Variants in ZNF829 observed in about 807,000 individuals in gnomAD.
ZNF829 encodes zinc finger protein 829.
In ZNF829, 25 loss-of-function variants were observed where a neutral mutation model predicts 35.2. The observed-to-expected ratio is 0.71, with a 90% CI of 0.52 to 0.99. The LOEUF (loss-of-function observed/expected upper bound fraction) is 0.99. ZNF829 is among the 50% of genes least tolerant of loss of function. The probability of loss-of-function intolerance (pLI) is 0.00; values close to 1 mark genes in which losing one functional copy is unlikely to be tolerated. For missense variants in ZNF829, 417 were observed against 515.3 expected, an observed-to-expected ratio of 0.81 and a Z score of 1.85; for synonymous variants, 136 against 163.2, an observed-to-expected ratio of 0.83 and a Z score of 1.27.
chr19:36,900,357 T>TA lies in ZNF829; in HGVS notation c.319+7571dup, dbSNP rs112232974. Among the ~76,000 whole-genome samples, 590 of 132,360 alleles carry TA rather than the reference T, an allele frequency of 4.5e-3. 1 individual carries two copies. Among genetic ancestry groups the TA allele is most frequent in the African/African-American group, 0.011 (380 of 36,048 alleles). 86.8% of individuals were successfully genotyped at this position (132,360 alleles called of 152,430 possible). A position where few individuals can be genotyped will look rare whatever the true frequency, so the allele number is the denominator to read the frequency against. ...TGGGTGACAGAGTGAGACTCTGTCT[T>TA]AAAAAAAAAAAAAAAAATTCCCCTA... On this transcript the variant is annotated intron_variant, in intron 5 of 5. Transcript: ENST00000391711.
chr19:36,909,643 C>T (rs985722970), intron 3 of ZNF829, among the ~76,000 whole-genome samples: 5 of 151,912 alleles, frequency 3.3e-5, no homozygotes, highest in African/African-American at 1.2e-4. Flanking sequence ...CCCGTGTCTA[C>T]TTAAAATACA....
rs774748866 is a variant in ZNF829, at chr19:36,908,431, A to C, written c.125T>G (p.Ile42Arg). The change falls in exon 4 of 6, where the codon ATA (isoleucine) becomes AGA (arginine). Residue 42 changes from isoleucine to arginine, a missense_variant. Coordinates refer to ENST00000391711, the MANE Select transcript of ZNF829 (RefSeq NM_001037232.4). ...KGPVMFRDVS[I>R]DFSQEEWECL... ...TTCCCATTCCTCTTGAGAGAAGTCT[A>C]TGGAAACATCCCTGAACATCACCGG... The C allele has an allele frequency of 3.0e-5, 49 of 1,611,442 alleles. No homozygotes were observed. The Admixed American group carries it at 8.2e-4, about 27-fold the overall frequency.
intron 5 of ZNF829, among the ~76,000 whole-genome samples, chr19:36,899,653 G>A (rs1051615799): frequency 6.7e-6 from 1 of 150,176 alleles, no homozygotes; most frequent in Non-Finnish European, 1.5e-5. Flanking sequence ...TAAAAAAAAA[G>A]CTCATGAGAA....
Position 36,916,270 on chromosome 19 carries a change from C to CA in ZNF829, c.-345dup. On this transcript the variant is annotated 5_prime_UTR_variant, in exon 1 of 6. Transcript: ENST00000391711. This position sits in a 1 kb window ranked among gnomAD's most constrained non-coding sequence, Gnocchi z 5.3. ...GAACCCGGCCCAAGCCTCACCCTCA[C>CA]ACAGGAAAGCAGATGTGTTCTGGCC... 2 of 294,320 alleles carry CA rather than the reference C, an allele frequency of 6.8e-6. No homozygotes were observed. Among genetic ancestry groups the CA allele is most frequent in the Non-Finnish European group, 1.3e-5 (2 of 158,060 alleles). The allele number at this position is 294,320 out of a possible 1,614,324, so 18.2% of individuals were successfully genotyped here. A position where few individuals can be genotyped will look rare whatever the true frequency, so the allele number is the denominator to read the frequency against.
intron 3 of ZNF829, among the ~76,000 whole-genome samples, chr19:36,909,817 A>AG (rs995670071): frequency 7.9e-5 from 12 of 151,372 alleles, no homozygotes; most frequent in African/African-American, 2.7e-4. Flanking sequence ...AAAAAAAAAA[A>AG]AAAGAAAGAA....
At chr19:36,898,723 T>C (rs1397611187) in intron 5 of ZNF829, among the ~76,000 whole-genome samples, 1 of 152,096 alleles carries the variant, frequency 6.6e-6, no homozygotes, top group African/African-American at 2.4e-5. Flanking sequence ...CAACTGATGG[T>C]TGACAAAGGT....
intron 3 of ZNF829, among the ~76,000 whole-genome samples, chr19:36,911,260 G>A (rs546416138): frequency 2.0e-5 from 3 of 151,628 alleles, no homozygotes; most frequent in South Asian, 4.2e-4. Flanking sequence ...CACCCAGGCT[G>A]GAGTGCAGTG....
intron 5 of ZNF829, chr19:36,893,180 C>T (rs2073078677): frequency 2.5e-6 from 1 of 392,856 alleles, no homozygotes; most frequent in Middle Eastern, 6.4e-4. Flanking sequence ...ACTGGCAAAT[C>T]ACCAGCCTCC....
chr19:36,892,593 G>A, intron 5 of ZNF829, 122 bp from the exon 6 acceptor site: 1 of 1,052,710 alleles, frequency 9.5e-7, no homozygotes, highest in Non-Finnish European at 1.3e-6. Context: ...TTCAAAGGTG[G>A]AGAGGCAATC....
In ZNF829 at chr19:36,892,374, C is replaced by G. The variant is rs773625497; in HGVS notation, c.417G>C (p.Gln139His). The change falls in exon 6 of 6, where the codon CAG becomes CAC. Residue 139 changes from glutamine (Q) to histidine (H), a missense_variant. By Grantham distance (24) the Gln-to-His change is conservative. Coordinates refer to ENST00000391711, the MANE Select transcript of ZNF829 (RefSeq NM_001037232.4). ...ITREDMSTFI[Q>H]PTFLIPPQKT... ...TTTGAGGTGGAATAAGAAATGTGGG[C>G]TGAATAAAAGTAGACATGTCTTCAC... 6.8e-6 allele frequency: 11 copies of G among 1,613,228 alleles called. No individual in the cohort carries two copies. Among genetic ancestry groups the G allele is most frequent in the Non-Finnish European group, 9.3e-6 (11 of 1,179,898 alleles).
chr19:36,904,184 A>G (rs1299519817), intron 5 of ZNF829, among the ~76,000 whole-genome samples: 1 of 152,244 alleles, frequency 6.6e-6, no homozygotes, highest in Non-Finnish European at 1.5e-5. Context: ...AGATACATAC[A>G]GTGATTACGA....
At chr19:36,898,960 C>T (rs2073137074) in intron 5 of ZNF829, among the ~76,000 whole-genome samples, 2 of 151,958 alleles carry the variant, frequency 1.3e-5, no homozygotes, top group Admixed American at 6.6e-5. Flanking sequence ...TTAGATAAGA[C>T]CTCAAAGATA....
chr19:36,899,433 AC>A (rs889873290), intron 5 of ZNF829, among the ~76,000 whole-genome samples: 1 of 151,790 alleles, frequency 6.6e-6, no homozygotes, highest in Admixed American at 6.6e-5. Context: ...TGACAGTGAA[AC>A]TCTCTCACAT....
intron 4 of ZNF829, 134 bp from the exon 5 acceptor site, chr19:36,908,158 C>G: frequency 8.5e-7 from 1 of 1,178,312 alleles, no homozygotes; most frequent in East Asian, 2.4e-5. Context: ...GAAGCTTCAG[C>G]CACAGCCCAT....
chr19:36,893,376 C>G (rs1363034259), intron 5 of ZNF829, among the ~76,000 whole-genome samples: 1 of 152,028 alleles, frequency 6.6e-6, no homozygotes, highest in East Asian at 1.9e-4. Flanking sequence ...GAAGGTGGCT[C>G]AAGTTTGAGA....
In ZNF829 at chr19:36,891,408, T is replaced by G. The variant is rs993646815; in HGVS notation, c.*84A>C. The G allele has an allele frequency of 5.0e-5, 67 of 1,345,280 alleles. No individual in the cohort carries two copies. Among genetic ancestry groups the G allele is most frequent in the Non-Finnish European group, 6.4e-5 (64 of 1,006,320 alleles). 83.3% of individuals were successfully genotyped at this position (1,345,280 alleles called of 1,614,324 possible). On this transcript the variant is annotated 3_prime_UTR_variant, in exon 6 of 6. Coordinates refer to ENST00000391711, the MANE Select transcript of ZNF829 (RefSeq NM_001037232.4). ...AACGAATACATAGGAGAACCTTTGA[T>G]AATATGTATCCTAATTTGTTCTCCT...
intron 5 of ZNF829, chr19:36,901,635 A>G (rs182318348): frequency 7.0e-4 from 194 of 275,728 alleles, no homozygotes; most frequent in Admixed American, 3.9e-3. Context: ...TTTGTGGGCT[A>G]TCCAAGTGTG....
At chr19:36,896,356 A>G (rs558385817) in intron 5 of ZNF829, among the ~76,000 whole-genome samples, 1 of 151,604 alleles carries the variant, frequency 6.6e-6, no homozygotes, top group Non-Finnish European at 1.5e-5. Flanking sequence ...GGTGGCATGC[A>G]CCTGTAATCC....
intron 4 of ZNF829, 43 bp from the exon 5 acceptor site, chr19:36,908,067 T>G: frequency 6.5e-7 from 1 of 1,548,986 alleles, no homozygotes. Flanking sequence ...TGCTGTGGGG[T>G]CCCCAGAAAT....
Sources: allele counts gnomAD v4.1 joint callset (sites outside exome capture counted in the v4.1 genomes callset), GRCh38; gene constraint gnomAD v4.1.1; non-coding constraint Gnocchi (gnomAD v3.1); transcripts MANE v1.5; gene names NCBI Gene and HGNC (gene_info 2026-07-23, HGNC 2026-07-21).